RANBP2: variants seen among roughly 807,000 people sequenced by gnomAD.
RANBP2 encodes E3 SUMO-protein ligase RanBP2.
RANBP2 carries 57 observed loss-of-function variants against 303.6 expected under a neutral mutation model. The observed-to-expected ratio is 0.19, with a 90% CI of 0.15 to 0.23. The LOEUF is 0.23. Among genes scored for constraint, RANBP2 ranks in the 10% least tolerant of loss-of-function variants. The probability of loss-of-function intolerance (pLI) is 1.00; values close to 1 mark genes in which losing one functional copy is unlikely to be tolerated. For missense variants in RANBP2, 3,138 were observed against 3,780.8 expected, an observed-to-expected ratio of 0.83 and a Z score of 4.46; for synonymous variants, 1,167 against 1,301.5, an observed-to-expected ratio of 0.90 and a Z score of 2.23.
chr2:109,211,650 T>TTC, the RANBP2 span, among the ~76,000 whole-genome samples: 10 of 146,942 alleles, frequency 6.8e-5, no homozygotes, highest in East Asian at 2.0e-3. Context: ...ATTTCTTTCT[T>TTC]TTTTTTTTTT....
At chr2:109,717,267 CAAACCAAAAA>C in the RANBP2 span, among the ~76,000 whole-genome samples, 2 of 69,364 alleles carry the variant, frequency 2.9e-5, no homozygotes, top group Non-Finnish European at 3.2e-5. Context: ...AAATTAAAAA[CAAACCAAAAA>C]AAAAAAAAAA....
At chr2:109,658,370 C>A in the RANBP2 span, among the ~76,000 whole-genome samples, 2 of 151,498 alleles carry the variant, frequency 1.3e-5, no homozygotes, top group East Asian at 4.0e-4. Flanking sequence ...TGCTTGAACT[C>A]GGGAGGCAGA....
chr2:109,049,824 C>G, the RANBP2 span, among the ~76,000 whole-genome samples: 1 of 152,162 alleles, frequency 6.6e-6, no homozygotes, highest in African/African-American at 2.4e-5. Flanking sequence ...AAAACATCAT[C>G]AGAACTTCAG....
chr2:109,716,263 TA>T, the RANBP2 span, among the ~76,000 whole-genome samples: 1 of 152,122 alleles, frequency 6.6e-6, no homozygotes, highest in Non-Finnish European at 1.5e-5. Context: ...AAAATTTATT[TA>T]TTTTTTGAGA....
the RANBP2 span, among the ~76,000 whole-genome samples, chr2:109,478,413 C>T: frequency 6.6e-6 from 1 of 152,214 alleles, no homozygotes; most frequent in Non-Finnish European, 1.5e-5. Flanking sequence ...CTAAACACCC[C>T]ATCAGTGTGA....
the RANBP2 span, chr2:108,791,468 G>A: frequency 3.5e-6 from 2 of 573,106 alleles, no homozygotes; most frequent in South Asian, 3.2e-5. Context: ...TATTTAATGT[G>A]TAGAAAAAGA....
the RANBP2 span, among the ~76,000 whole-genome samples, chr2:109,083,505 T>C: frequency 2.6e-5 from 4 of 152,352 alleles, no homozygotes; most frequent in African/African-American, 9.6e-5. Flanking sequence ...ATATCCATTG[T>C]ATGGATGTAG....
At chr2:109,183,881 C>T in the RANBP2 span, among the ~76,000 whole-genome samples, 2 of 152,192 alleles carry the variant, frequency 1.3e-5, no homozygotes, top group Non-Finnish European at 2.9e-5. Flanking sequence ...GGCATTGTCC[C>T]AAGGAAAGTG....
chr2:108,843,399 C>T, the RANBP2 span, among the ~76,000 whole-genome samples: 1 of 152,152 alleles, frequency 6.6e-6, no homozygotes, highest in African/African-American at 2.4e-5. Context: ...CTCAAGTGAT[C>T]CACCTGCCGT....
chr2:108,941,864 C>T, the RANBP2 span, among the ~76,000 whole-genome samples: 4 of 152,330 alleles, frequency 2.6e-5, no homozygotes, highest in African/African-American at 4.8e-5. Flanking sequence ...CCTCAGTGAA[C>T]GTGTATGCCC....
At chr2:108,864,993 CTCATAATT>C in the RANBP2 span, among the ~76,000 whole-genome samples, 1 of 151,976 alleles carries the variant, frequency 6.6e-6, no homozygotes, top group Non-Finnish European at 1.5e-5. Context: ...ATTCACATAT[CTCATAATT>C]TCAAAAGTAC....
At chr2:109,400,220 A>G in the RANBP2 span, among the ~76,000 whole-genome samples, 2 of 152,102 alleles carry the variant, frequency 1.3e-5, no homozygotes, top group Admixed American at 6.5e-5. Context: ...ACTTGCACAC[A>G]TGCACGCACA....
the RANBP2 span, among the ~76,000 whole-genome samples, chr2:109,333,516 TTG>T: frequency 6.6e-6 from 1 of 152,242 alleles, no homozygotes; most frequent in African/African-American, 2.4e-5. Flanking sequence ...CCCCACCTGT[TTG>T]TGTAAGTAAA....
chr2:109,249,521 T>TTTC, the RANBP2 span, among the ~76,000 whole-genome samples: 16 of 93,660 alleles, frequency 1.7e-4, no homozygotes, highest in Non-Finnish European at 2.4e-4. Flanking sequence ...TTCTTTCTTT[T>TTTC]TCTTTCTTTC....
chr2:109,468,459 C>T, the RANBP2 span, among the ~76,000 whole-genome samples: 23 of 152,294 alleles, frequency 1.5e-4, no homozygotes, highest in Admixed American at 9.2e-4. Context: ...TTATGTAACA[C>T]ATCATGCTGC....
chr2:108,929,850 G>A, the RANBP2 span, among the ~76,000 whole-genome samples: 11 of 152,300 alleles, frequency 7.2e-5, 1 homozygote, highest in African/African-American at 2.2e-4. Flanking sequence ...ATGATCTGAC[G>A]CTCATTTAAT....
chr2:109,692,922 G>A, the RANBP2 span, among the ~76,000 whole-genome samples: 17 of 149,098 alleles, frequency 1.1e-4, no homozygotes, highest in East Asian at 2.1e-4. Context: ...GGGTTCAAGC[G>A]ATTCTCGTGC....
At chr2:109,168,610 A>C in the RANBP2 span, among the ~76,000 whole-genome samples, 1 of 152,226 alleles carries the variant, frequency 6.6e-6, no homozygotes, top group Non-Finnish European at 1.5e-5. Flanking sequence ...ATCTGGCCGT[A>C]GGTGGTAAGA....
the RANBP2 span, among the ~76,000 whole-genome samples, chr2:108,899,958 C>T: frequency 1.3e-5 from 2 of 152,010 alleles, no homozygotes; most frequent in African/African-American, 2.4e-5. Flanking sequence ...TGCTCTCCAA[C>T]CTGGGTGGCA....
Sources: gnomAD v4.1 joint callset for allele counts (sites outside exome capture counted in the v4.1 genomes callset) on GRCh38, gnomAD v4.1.1 for gene constraint, MANE v1.5 for transcripts, NCBI Gene and HGNC (gene_info 2026-07-23, HGNC 2026-07-21) for gene names.